Variants in EFR3B observed in about 807,000 individuals in gnomAD.
EFR3B encodes protein EFR3 homolog B.
EFR3B carries 64 observed loss-of-function variants against 104.7 expected under a neutral mutation model. The observed-to-expected ratio is 0.61, with a 90% CI of 0.50 to 0.75. The LOEUF (loss-of-function observed/expected upper bound fraction) is 0.75. Ranked by LOEUF, EFR3B falls within the 30% of genes least tolerant of loss-of-function variation. The pLI is 0.00. For synonymous variants in EFR3B, 385 were observed against 417.9 expected (o/e 0.92, Z 0.96); for missense variants, 750 against 1,078.5 (o/e 0.70, Z 4.27).
intron 1 of EFR3B, among the ~76,000 whole-genome samples, chr2:25,077,596 C>T (rs910311099): frequency 6.6e-6 from 1 of 152,152 alleles, no homozygotes; most frequent in African/African-American, 2.4e-5. Flanking sequence ...GCCGAAAGGC[C>T]TTCAGTAAGA....
Position 25,125,897 on chromosome 2 carries a change from G to A in EFR3B, c.486-2286G>A, listed in dbSNP as rs1229162668. ...CGGGAGGCGGAGGTTGCTGTGAGCCGAGATCGTGCCTGGGTGACAGAGCGA... is the reference window on the plus strand; with the variant it reads ...CGGGAGGCGGAGGTTGCTGTGAGCCAAGATCGTGCCTGGGTGACAGAGCGA... On this transcript the variant is annotated intron_variant, in intron 5 of 22. Transcript: ENST00000403714. Among the ~76,000 whole-genome samples the A allele has an allele frequency of 7.2e-5, 11 of 152,308 alleles. No homozygotes were observed. In the East Asian group the frequency reaches 7.7e-4, roughly 11 times the overall value.
At chr2:25,124,306 G>C (rs1490566558) in intron 5 of EFR3B, among the ~76,000 whole-genome samples, 1 of 150,502 alleles carries the variant, frequency 6.6e-6, no homozygotes, top group African/African-American at 2.4e-5. Context: ...GTGTGTGTGT[G>C]TGTGTGTGTG....
In EFR3B at chr2:25,118,167, G is replaced by T. The variant is rs560368442; in HGVS notation, c.364-3506G>T. On this transcript the variant is annotated intron_variant, in intron 4 of 22. Coordinates refer to ENST00000403714, the MANE Select transcript of EFR3B (RefSeq NM_014971.2). ...GCAAATTTTTTGTATTTTTAGTAGA[G>T]ACGGGGTTTCACCCTGTTGTCCGGG... Among the ~76,000 whole-genome samples the T allele has an allele frequency of 2.6e-5, 4 of 152,092 alleles. No individual in the cohort carries two copies. The South Asian group carries it at 8.3e-4, about 32-fold the overall frequency.
At chr2:25,087,047 G>A (rs1249344840) in intron 1 of EFR3B, among the ~76,000 whole-genome samples, 1 of 152,196 alleles carries the variant, frequency 6.6e-6, no homozygotes, top group African/African-American at 2.4e-5. Flanking sequence ...GGAGGCCTCA[G>A]GAAACTTACA....
chr2:25,081,729 G>A (rs534220823), intron 1 of EFR3B: 53 of 466,112 alleles, frequency 1.1e-4, no homozygotes, highest in African/African-American at 4.8e-4. Flanking sequence ...GCCTGCAGCC[G>A]CACAGGCCCC....
At chr2:25,081,067 G>C in intron 1 of EFR3B, 1 of 728,670 alleles carries the variant, frequency 1.4e-6, no homozygotes, top group Non-Finnish European at 2.5e-6. Flanking sequence ...ATTAATATAG[G>C]ACCTTGAAAT....
chr2:25,152,769 AAATAT>A (rs1385686464), intron 21 of EFR3B, among the ~76,000 whole-genome samples: 9 of 152,004 alleles, frequency 5.9e-5, no homozygotes, highest in South Asian at 4.2e-4. Flanking sequence ...TCTCCTAACA[AAATAT>A]AATATGTATA....
At chr2:25,047,291 A>C (rs758183329) in intron 1 of EFR3B, among the ~76,000 whole-genome samples, 1 of 151,988 alleles carries the variant, frequency 6.6e-6, no homozygotes, top group Non-Finnish European at 1.5e-5. Context: ...TTCAAGGAGC[A>C]CCAAGAACCC....
At chr2:25,148,920 TCAAA>T (rs1388672830) in intron 19 of EFR3B, among the ~76,000 whole-genome samples, 1 of 29,916 alleles carries the variant, frequency 3.3e-5, no homozygotes, top group African/African-American at 1.4e-4. Flanking sequence ...AGACTCCGTC[TCAAA>T]AAAAAAAAAA....
chr2:25,060,870 G>A (rs575309127), intron 1 of EFR3B, among the ~76,000 whole-genome samples: 2 of 151,518 alleles, frequency 1.3e-5, no homozygotes, highest in Non-Finnish European at 1.5e-5. Flanking sequence ...GCAGTGAGCC[G>A]AGATCGCCCC....
intron 19 of EFR3B, among the ~76,000 whole-genome samples, chr2:25,148,689 A>G (rs6720422): frequency 0.62 from 92,489 of 149,672 alleles, 28,667 homozygotes; most frequent in East Asian, 0.71. Context: ...TTGGGAGGCC[A>G]AGGCAGGCGG....
chr2:25,127,797 C>A (rs2149203663), intron 5 of EFR3B, among the ~76,000 whole-genome samples: 1 of 152,204 alleles, frequency 6.6e-6, no homozygotes, highest in East Asian at 1.9e-4. Flanking sequence ...TCCCCCTGCC[C>A]CCGCAAGTTG....
chr2:25,113,952 C>G (rs1376408934), intron 4 of EFR3B, among the ~76,000 whole-genome samples: 1 of 152,098 alleles, frequency 6.6e-6, no homozygotes, highest in African/African-American at 2.4e-5. Flanking sequence ...CCAGATCACC[C>G]TACTAATAAT....
chr2:25,044,341 G>A (rs897338757), intron 1 of EFR3B, among the ~76,000 whole-genome samples: 4 of 152,092 alleles, frequency 2.6e-5, no homozygotes, highest in Non-Finnish European at 4.4e-5. Flanking sequence ...TTGGATTTTC[G>A]TATATTCCTG....
Position 25,114,477 on chromosome 2 carries a change from G to A in EFR3B, c.364-7196G>A, listed in dbSNP as rs75572219. On this transcript the variant is annotated intron_variant, in intron 4 of 22. Transcript: ENST00000403714. This position sits in a 1 kb window ranked among gnomAD's most constrained non-coding sequence, Gnocchi z 4.0. The stretch of plus-strand genomic sequence containing the variant: ...ACACACCACTTCTCCACGGGAGATC[G>A]GGGACTGGCATTAAGTGCAGTCTTA... 3.4e-3 allele frequency among the ~76,000 whole-genome samples: 518 copies of A among 152,290 alleles called. 7 individuals carry two copies. The highest frequency in any genetic ancestry group is 0.012 in the African/African-American group (498 of 41,558).
At chr2:25,123,345 G>A (rs1034575913) in intron 5 of EFR3B, among the ~76,000 whole-genome samples, 1 of 149,616 alleles carries the variant, frequency 6.7e-6, no homozygotes, top group Admixed American at 6.8e-5. Flanking sequence ...GGGTGACGGA[G>A]TGAGACCCTG....
At chr2:25,044,078 T>C (rs181372085) in intron 1 of EFR3B, among the ~76,000 whole-genome samples, 7 of 152,366 alleles carry the variant, frequency 4.6e-5, no homozygotes, top group Non-Finnish European at 4.4e-5. Context: ...CTGGGTGCTA[T>C]TTTCAGACAC....
intron 5 of EFR3B, among the ~76,000 whole-genome samples, chr2:25,125,436 C>G (rs1670135978): frequency 6.6e-6 from 1 of 152,246 alleles, no homozygotes; most frequent in East Asian, 1.9e-4. Flanking sequence ...GACAGTATTC[C>G]TGATCGTTCA....
chr2:25,133,400 T>A lies in EFR3B; in HGVS notation c.1277T>A (p.Leu426Gln), dbSNP rs1670435942. 6.4e-7 allele frequency: 1 copy of A among 1,552,304 alleles called. No individual in the cohort carries two copies. The highest frequency in any genetic ancestry group is 2.0e-5 in the Admixed American group (1 of 50,996). Residue 426 changes from leucine to glutamine, a missense_variant, in exon 12 of 23, where the codon CTG becomes CAG. Transcript: ENST00000403714. ...TGRTGENRNRLTQIMLLKSLL... is the reference protein window; with the variant it reads ...TGRTGENRNRQTQIMLLKSLL... ...GTCTACAGGGAGAATAGGAACCGTCTGACCCAGATTATGCTGCTAAAATCC... is the reference window on the plus strand; with the variant it reads ...GTCTACAGGGAGAATAGGAACCGTCAGACCCAGATTATGCTGCTAAAATCC...
Sources: allele counts gnomAD v4.1 joint callset (sites outside exome capture counted in the v4.1 genomes callset), GRCh38; gene constraint gnomAD v4.1.1; non-coding constraint Gnocchi (gnomAD v3.1); transcripts MANE v1.5; gene names NCBI Gene and HGNC (gene_info 2026-07-23, HGNC 2026-07-21).